ZNF644: variants seen among roughly 807,000 people sequenced by gnomAD.
ZNF644 encodes zinc finger motif enhancer binding protein 2.
A neutral mutation model predicts 108.0 loss-of-function variants in ZNF644; 20 were observed. The observed-to-expected ratio is 0.19, with a 90% CI of 0.13 to 0.27. The LOEUF (loss-of-function observed/expected upper bound fraction) is 0.27. ZNF644 is among the 10% of genes least tolerant of loss of function. ZNF644 has a pLI of 1.00. For synonymous variants in ZNF644, 542 were observed against 539.1 expected (o/e 1.01, Z -0.08); for missense variants, 1,338 against 1,548.9 (o/e 0.86, Z 2.29).
At chr1:90,925,664 A>C (rs1170462683) in intron 4 of ZNF644, among the ~76,000 whole-genome samples, 6 of 152,060 alleles carry the variant, frequency 3.9e-5, no homozygotes, top group Non-Finnish European at 8.8e-5. Context: ...TAATGCTAGG[A>C]AACTAGATAA....
At chr1:90,999,574 T>C (rs2101656188) in intron 1 of ZNF644, among the ~76,000 whole-genome samples, 1 of 152,284 alleles carries the variant, frequency 6.6e-6, no homozygotes, top group Non-Finnish European at 1.5e-5. Context: ...TACCAGCCAC[T>C]GCAAAAACAT....
intron 1 of ZNF644, chr1:91,020,322 CTAA>C (rs1403985602): frequency 2.0e-5 from 3 of 152,052 alleles, no homozygotes; most frequent in Non-Finnish European, 4.4e-5. Context: ...ACACAGTGAT[CTAA>C]TGTGTTTAAA....
chr1:90,994,353 C>A (rs1308247459), intron 1 of ZNF644, among the ~76,000 whole-genome samples: 1 of 152,188 alleles, frequency 6.6e-6, no homozygotes, highest in East Asian at 1.9e-4. Flanking sequence ...AGAGACCCCA[C>A]AAGCACACAA....
intron 2 of ZNF644, among the ~76,000 whole-genome samples, chr1:90,943,867 T>C (rs1652259498): frequency 6.6e-6 from 1 of 152,224 alleles, no homozygotes; most frequent in African/African-American, 2.4e-5. Flanking sequence ...ATTCCTGATA[T>C]TTCTCATTAA....
At chr1:90,982,686 A>G (rs1012994872) in intron 1 of ZNF644, among the ~76,000 whole-genome samples, 2 of 152,132 alleles carry the variant, frequency 1.3e-5, no homozygotes, top group Admixed American at 6.5e-5. Flanking sequence ...GCAATAATTA[A>G]AATAATTACT....
chr1:90,975,910 T>G (rs1214607872), intron 2 of ZNF644, among the ~76,000 whole-genome samples: 1 of 152,182 alleles, frequency 6.6e-6, no homozygotes, highest in African/African-American at 2.4e-5. Flanking sequence ...AAAATAATGA[T>G]GAGTATGAAG....
At chr1:91,009,199 A>G (rs1659716816) in intron 1 of ZNF644, among the ~76,000 whole-genome samples, 1 of 152,224 alleles carries the variant, frequency 6.6e-6, no homozygotes, top group Admixed American at 6.5e-5. Context: ...TAAAAGCTTA[A>G]TATTTCCAAG....
chr1:90,941,107 A>G lies in ZNF644; in HGVS notation c.247T>C (p.Ser83Pro). 6.2e-7 allele frequency: 1 copy of G among 1,614,102 alleles called. No homozygotes were observed. Among genetic ancestry groups the G allele is most frequent in the Non-Finnish European group, 8.5e-7 (1 of 1,179,952 alleles). Residue 83 changes from serine to proline, a missense_variant, in exon 3 of 6, where the codon TCT (serine) becomes CCT (proline). Physicochemically the swap from Ser to Pro is moderately conservative, Grantham distance 74 (BLOSUM62 -1). Around this residue, in one of 6 missense-constraint regions of ZNF644, gnomAD observed 464 missense variants for 457.9 expected, o/e 1.01. Coordinates refer to ENST00000337393, the MANE Select transcript of ZNF644 (RefSeq NM_201269.3). ...TLPEELSKDK[S>P]ENALSGGQSS... ...TGGCCTCCACTTAAGGCGTTTTCAG[A>G]TTTGTCCTTTGACAGTTCTTCAGGC...
Position 90,917,110 on chromosome 1 carries a change from A to G in ZNF644, c.3792-120T>C, listed in dbSNP as rs902826427. ...ATATTTTAAAGACAGCAATTGATAA[A>G]GTTTCTAAAGTCAAATGATTTAATA... On this transcript the variant is annotated intron_variant, in intron 5 of 5. Coordinates refer to ENST00000337393, the MANE Select transcript of ZNF644 (RefSeq NM_201269.3). The G allele has an allele frequency of 5.2e-5, 52 of 1,007,404 alleles. No individual in the cohort carries two copies. In the African/African-American group the frequency reaches 8.0e-4, roughly 15 times the overall value. The allele number at this position is 1,007,404 out of a possible 1,614,324, so 62.4% of individuals were successfully genotyped here. A position where few individuals can be genotyped will look rare whatever the true frequency, so the allele number is the denominator to read the frequency against.
chr1:90,995,290 C>G (rs1658044048), intron 1 of ZNF644, among the ~76,000 whole-genome samples: 1 of 151,776 alleles, frequency 6.6e-6, no homozygotes, highest in African/African-American at 2.4e-5. Context: ...TTAGAGATAG[C>G]AGAAGAAAGA....
At chr1:90,921,397 G>C (rs1255807674) in intron 4 of ZNF644, among the ~76,000 whole-genome samples, 1 of 151,760 alleles carries the variant, frequency 6.6e-6, no homozygotes, top group East Asian at 1.9e-4. Flanking sequence ...GCACTTGTTA[G>C]TGACCAAAAA....
At chr1:90,932,223 G>A (rs1650810233) in intron 4 of ZNF644, among the ~76,000 whole-genome samples, 2 of 152,164 alleles carry the variant, frequency 1.3e-5, no homozygotes, top group Admixed American at 1.3e-4. Context: ...ACCAGGAGCT[G>A]TGGCTTCTAA....
At position 90,937,890 on chromosome 1, in the gene ZNF644, C is replaced by T. The variant is rs1651513275; in HGVS notation, c.3283G>A (p.Ala1095Thr). 3 of 1,613,750 alleles carry T rather than the reference C, an allele frequency of 1.9e-6. No individual in the cohort carries two copies. The highest frequency in any genetic ancestry group is 2.5e-6 in the Non-Finnish European group (3 of 1,179,848). ...NEEKYEKILK[A>T]LNSRRIIPRP... ...GGAATAATACGACGACTGTTCAATG[C>T]CTTTAAGATTTTTTCATATTTTTCT... The change falls in exon 4 of 6, where the codon GCA becomes ACA. Residue 1095 changes from alanine (A) to threonine (T), a missense_variant. Coordinates refer to ENST00000337393, the MANE Select transcript of ZNF644 (RefSeq NM_201269.3).
chr1:90,925,974 G>GC (rs1649987545), intron 4 of ZNF644, among the ~76,000 whole-genome samples: 1 of 152,034 alleles, frequency 6.6e-6, no homozygotes, highest in Non-Finnish European at 1.5e-5. Flanking sequence ...AGGAGGTAAA[G>GC]CAAGTCTCGT....
At chr1:90,967,768 C>A (rs1347989766) in intron 2 of ZNF644, among the ~76,000 whole-genome samples, 2 of 151,926 alleles carry the variant, frequency 1.3e-5, no homozygotes, top group African/African-American at 4.8e-5. Flanking sequence ...AAGCTTATGG[C>A]CAGGCACGGT....
At chr1:90,970,658 G>A (rs963508885) in intron 2 of ZNF644, among the ~76,000 whole-genome samples, 2 of 152,018 alleles carry the variant, frequency 1.3e-5, no homozygotes, top group Non-Finnish European at 2.9e-5. Flanking sequence ...TGAAAACAAT[G>A]GTCTAGAGTT....
chr1:90,915,957 T>C lies in ZNF644; in HGVS notation c.*841A>G, dbSNP rs1466761598. The C allele has an allele frequency of 6.6e-6, 1 of 152,444 alleles. No individual in the cohort carries two copies. Among genetic ancestry groups the C allele is most frequent in the Non-Finnish European group, 1.5e-5 (1 of 67,948 alleles). 9.4% of individuals were successfully genotyped at this position (152,444 alleles called of 1,614,324 possible). A position where few individuals can be genotyped will look rare whatever the true frequency, so the allele number is the denominator to read the frequency against. On this transcript the variant is annotated 3_prime_UTR_variant, in exon 6 of 6. Coordinates refer to ENST00000337393, the MANE Select transcript of ZNF644 (RefSeq NM_201269.3). Reference sequence around the variant, plus strand: ...AGCATGTCAAATTTTAGGTAAAACATTAAAAAGAAACAAACCTGTTAACAA... The same window carrying C: ...AGCATGTCAAATTTTAGGTAAAACACTAAAAAGAAACAAACCTGTTAACAA...
intron 4 of ZNF644, among the ~76,000 whole-genome samples, chr1:90,924,814 T>G (rs1039179741): frequency 4.6e-5 from 7 of 152,082 alleles, no homozygotes; most frequent in African/African-American, 9.7e-5. Context: ...ATAACAAGAA[T>G]TAACCTCATT....
chr1:90,969,638 A>G (rs1655261206), intron 2 of ZNF644, among the ~76,000 whole-genome samples: 1 of 152,152 alleles, frequency 6.6e-6, no homozygotes. Flanking sequence ...CTCCCTATCT[A>G]TTAGCCATCT....
Sources: gnomAD v4.1 joint callset for allele counts (sites outside exome capture counted in the v4.1 genomes callset) on GRCh38, gnomAD v4.1.1 for gene constraint, gnomAD v4.1.1 regional missense constraint, MANE v1.5 for transcripts, NCBI Gene and HGNC (gene_info 2026-07-23, HGNC 2026-07-21) for gene names.